The following GSDME variants were observed in gnomAD, a reference collection of about 807,000 sequenced individuals.
GSDME encodes the protein gasdermin-E.
GSDME carries 44 observed loss-of-function variants against 47.5 expected under a neutral mutation model. That is an observed-to-expected ratio of 0.93 (90% CI 0.73 to 1.19). The LOEUF (loss-of-function observed/expected upper bound fraction) is 1.19, where lower values mean the gene tolerates loss of function less well. GSDME is among the 50% of genes most tolerant of loss of function. The pLI is 0.00. For synonymous variants in GSDME, 258 were observed against 252.8 expected, an observed-to-expected ratio of 1.02 and a Z score of -0.20; for missense variants, 663 against 604.2, an observed-to-expected ratio of 1.10 and a Z score of -1.02.
At chr7:24,762,376 T>C (rs112681464), upstream of GSDME, among the ~76,000 whole-genome samples, 4 of 152,328 alleles carry the variant, frequency 2.6e-5, no homozygotes, top group African/African-American at 9.6e-5. Context: ...AAATTTGTGA[T>C]GAATACCAGT....
chr7:24,708,747 G>A (rs1789226505), intron 6 of GSDME, among the ~76,000 whole-genome samples: 1 of 152,134 alleles, frequency 6.6e-6, no homozygotes, highest in African/African-American at 2.4e-5. Context: ...AAAGGGGCTG[G>A]CACCCTATTT....
the GSDME span, among the ~76,000 whole-genome samples, chr7:24,776,647 A>G: frequency 6.6e-6 from 1 of 152,248 alleles, no homozygotes; most frequent in African/African-American, 2.4e-5. Flanking sequence ...GCCTTAATTA[A>G]AACTTCCTGC....
At chr7:24,776,036 C>T in the GSDME span, among the ~76,000 whole-genome samples, 2 of 150,240 alleles carry the variant, frequency 1.3e-5, no homozygotes. Flanking sequence ...AAAAATTAGC[C>T]GGGCGTGGTA....
At chr7:24,780,652 C>G in the GSDME span, among the ~76,000 whole-genome samples, 2 of 152,184 alleles carry the variant, frequency 1.3e-5, no homozygotes, top group Non-Finnish European at 2.9e-5. The surrounding 1 kb of genome is among the most constrained non-coding windows in gnomAD (Gnocchi z 4.1). Context: ...CTAACTCCTC[C>G]CTTTGTTAAG....
rs1049036097 is a variant in GSDME at position 24,735,953 on chromosome 7, C to G, written c.404+8609G>C. Among the ~76,000 whole-genome samples, 2 of 151,856 alleles carry G rather than the reference C, an allele frequency of 1.3e-5. No individual in the cohort carries two copies. Among genetic ancestry groups the G allele is most frequent in the African/African-American group, 4.8e-5 (2 of 41,338 alleles). On this transcript the variant is annotated intron_variant, in intron 3 of 9. Transcript: ENST00000645220. The surrounding 1 kb of genome is among the most constrained non-coding windows in gnomAD (Gnocchi z 4.4). The stretch of plus-strand genomic sequence containing the variant: ...TATGCTAGCAGTGTTAAGTTGTTAT[C>G]AGCTTAAAATAATGGGTTACAATAA...
rs1008470788 is a variant in GSDME at position 24,733,993 on chromosome 7, G to A, written c.404+10569C>T. On this transcript the variant is annotated intron_variant, in intron 3 of 9. Transcript: ENST00000645220. This position sits in a 1 kb window ranked among gnomAD's most constrained non-coding sequence, Gnocchi z 4.3. ...CTTAGGCAAGATCCAGAGCTGTGGT[G>A]GCTTCAGTTCTGACCAGTGCAGTCC... 6.6e-6 allele frequency among the ~76,000 whole-genome samples: 1 copy of A among 152,214 alleles called. No homozygotes were observed. Among genetic ancestry groups the A allele is most frequent in the African/African-American group, 2.4e-5 (1 of 41,446 alleles).
At chr7:24,746,736 T>C (rs1790680436) in intron 2 of GSDME, among the ~76,000 whole-genome samples, 1 of 152,184 alleles carries the variant, frequency 6.6e-6, no homozygotes, top group Non-Finnish European at 1.5e-5. Context: ...GAAGATGTCA[T>C]TTGTGCACAC....
Position 24,756,259 on chromosome 7 carries a change from G to C in GSDME, c.-20+1137C>G, listed in dbSNP as rs1313902759. 1.3e-5 allele frequency among the ~76,000 whole-genome samples: 2 copies of C among 152,160 alleles called. No homozygotes were observed. The highest frequency in any genetic ancestry group is 2.9e-5 in the Non-Finnish European group (2 of 68,032). On this transcript the variant is annotated intron_variant, in intron 1 of 9. Transcript: ENST00000645220. This position sits in a 1 kb window ranked among gnomAD's most constrained non-coding sequence, Gnocchi z 4.2. ...GGCAGGCACCTGCGGTCTCAGCTACGGGTGTATGGGAGGATCCCTTGAGCC... is the reference window on the plus strand; with the variant it reads ...GGCAGGCACCTGCGGTCTCAGCTACCGGTGTATGGGAGGATCCCTTGAGCC...
chr7:24,778,093 G>C, the GSDME span, among the ~76,000 whole-genome samples: 1 of 151,418 alleles, frequency 6.6e-6, no homozygotes, highest in Non-Finnish European at 1.5e-5. The surrounding 1 kb of genome is among the most constrained non-coding windows in gnomAD (Gnocchi z 5.6). Flanking sequence ...GAGGGAGAGA[G>C]AGAGAGAGAA....
intron 3 of GSDME, among the ~76,000 whole-genome samples, chr7:24,740,493 G>T (rs1331978976): frequency 6.6e-6 from 1 of 152,020 alleles, no homozygotes; most frequent in Admixed American, 6.6e-5. Flanking sequence ...TAATTGGATT[G>T]CTTGTAACAC....
chr7:24,760,049 C>A (rs1791144178), upstream of GSDME, among the ~76,000 whole-genome samples: 1 of 152,126 alleles, frequency 6.6e-6, no homozygotes, highest in African/African-American at 2.4e-5. The surrounding 1 kb of genome is among the most constrained non-coding windows in gnomAD (Gnocchi z 4.2). Flanking sequence ...AAATGGAGGG[C>A]TATGGAAAGA....
At chr7:24,706,090 A>G in intron 8 of GSDME, 94 bp downstream of exon 8, 1 of 1,465,758 alleles carries the variant, frequency 6.8e-7, no homozygotes, top group Non-Finnish European at 9.4e-7. Context: ...CATATCTTCC[A>G]CAGTTACCAC....
intron 4 of GSDME, among the ~76,000 whole-genome samples, chr7:24,718,310 A>T (rs1404441910): frequency 6.6e-6 from 1 of 152,242 alleles, no homozygotes; most frequent in Non-Finnish European, 1.5e-5. Flanking sequence ...AATATCAGCC[A>T]CCATGGCAAG....
At chr7:24,731,690 A>T (rs1162683245) in intron 3 of GSDME, among the ~76,000 whole-genome samples, 2 of 152,338 alleles carry the variant, frequency 1.3e-5, no homozygotes, top group African/African-American at 4.8e-5. Flanking sequence ...GCCAAGCACT[A>T]CTATACCTGC....
chr7:24,704,848 T>G (rs1380045684), intron 8 of GSDME: 1 of 151,980 alleles, frequency 6.6e-6, no homozygotes, highest in African/African-American at 2.4e-5. Flanking sequence ...CACACCACCA[T>G]GCCTGGCTAA....
intron 3 of GSDME, among the ~76,000 whole-genome samples, chr7:24,743,475 C>T (rs1790551665): frequency 6.6e-6 from 1 of 152,218 alleles, no homozygotes. Context: ...ACTGAACTCC[C>T]TGCTGCTGCC....
rs1790214966 is a variant in GSDME at position 24,733,692 on chromosome 7, C to A, written c.404+10870G>T. Among the ~76,000 whole-genome samples, 1 of 152,046 alleles carries A rather than the reference C, an allele frequency of 6.6e-6. No individual in the cohort carries two copies. Among genetic ancestry groups the A allele is most frequent in the Non-Finnish European group, 1.5e-5 (1 of 68,020 alleles). ...GGTGGACATGGGTGAGAGTCCTCTG[C>A]CTGGGGAAAGGAGAGGGAAGAGTGA... is the stretch of plus-strand genomic sequence containing the variant. On this transcript the variant is annotated intron_variant, in intron 3 of 9. Transcript: ENST00000645220. This position sits in a 1 kb window ranked among gnomAD's most constrained non-coding sequence, Gnocchi z 4.3.
chr7:24,744,438 G>A lies in GSDME; in HGVS notation c.404+124C>T, dbSNP rs2721801. On this transcript the variant is annotated intron_variant, in intron 3 of 9. Transcript: ENST00000645220. This position sits in a 1 kb window ranked among gnomAD's most constrained non-coding sequence, Gnocchi z 4.5. ...CTCCTCATGAAATTTCAACACAAGC[G>A]CATTCAATACATGTTTATTGATCGG... 0.12 allele frequency: 124,566 copies of A among 1,061,272 alleles called. 12,396 individuals carry two copies. Among genetic ancestry groups the A allele is most frequent in the African/African-American group, 0.49 (31,309 of 64,530 alleles). 65.7% of individuals were successfully genotyped at this position (1,061,272 alleles called of 1,614,324 possible).
intron 8 of GSDME, chr7:24,703,075 C>G (rs977584027): frequency 1.9e-5 from 8 of 414,812 alleles, no homozygotes; most frequent in Admixed American, 1.4e-4. Context: ...CCTTGACATT[C>G]AATTTACCAA....
Sources: gnomAD v4.1 joint callset for allele counts (sites outside exome capture counted in the v4.1 genomes callset) on GRCh38, gnomAD v4.1.1 for gene constraint, Gnocchi (gnomAD v3.1) non-coding constraint, MANE v1.5 for transcripts, NCBI Gene and HGNC (gene_info 2026-07-23, HGNC 2026-07-21) for gene names.